Variants in HSD3B7 observed in about 807,000 individuals in gnomAD.
The protein encoded by HSD3B7 is hydroxy-delta-5-steroid dehydrogenase, 3 beta- and steroid delta-isomerase 7.
A neutral mutation model predicts 34.3 loss-of-function variants in HSD3B7; 35 were observed. The ratio of observed to expected loss-of-function variants is 1.02; its 90% confidence interval spans 0.78 to 1.35. The LOEUF (loss-of-function observed/expected upper bound fraction) is 1.35, where lower values mean the gene tolerates loss of function less well. Ranked by LOEUF, HSD3B7 falls within the 40% of genes most tolerant of loss-of-function variation. HSD3B7 has a pLI of 0.00. For synonymous variants in HSD3B7, 217 were observed against 220.1 expected (o/e 0.99, Z 0.13); for missense variants, 426 against 504.7 (o/e 0.84, Z 1.49).
intron 6 of HSD3B7, 99 bp from the exon 7 acceptor site, chr16:30,987,669 C>A: frequency 7.1e-7 from 1 of 1,404,916 alleles, no homozygotes; most frequent in South Asian, 1.2e-5. Context: ...TGGGCGGCAA[C>A]TACCTGGGCC....
In HSD3B7 at chr16:30,987,918, G is replaced by A. The variant is rs543835908; in HGVS notation, c.845G>A (p.Arg282Gln). 5.0e-6 allele frequency: 8 copies of A among 1,613,614 alleles called. No individual in the cohort carries two copies. Among genetic ancestry groups the A allele is most frequent in the African/African-American group, 1.3e-5 (1 of 75,050 alleles). The change falls in exon 7 of 7, where the codon CGG becomes CAG. Residue 282 changes from arginine to glutamine, a missense_variant. Arg to Gln is a conservative substitution (Grantham distance 43, BLOSUM62 1). Transcript: ENST00000297679. Reference protein sequence around the residue: ...NMEFLGPCGLRLVGARPLLPY... With the variant: ...NMEFLGPCGLQLVGARPLLPY... ...GAGTTCCTGGGCCCCTGCGGACTGCGGCTGGTGGGCGCCCGCCCATTGCTG... is the reference window on the plus strand; with the variant it reads ...GAGTTCCTGGGCCCCTGCGGACTGCAGCTGGTGGGCGCCCGCCCATTGCTG...
intron 6 of HSD3B7, chr16:30,987,324 A>T: frequency 2.3e-6 from 1 of 439,074 alleles, no homozygotes; most frequent in Non-Finnish European, 4.2e-6. Context: ...GCTCGCATCT[A>T]TAATCCCAGC....
chr16:30,985,763 G>A lies in HSD3B7; in HGVS notation c.105G>A (p.Arg35=), dbSNP rs909935673. 2 of 1,604,382 alleles carry A rather than the reference G, an allele frequency of 1.2e-6. No individual in the cohort carries two copies. The highest frequency in any genetic ancestry group is 2.7e-5 in the African/African-American group (2 of 74,836). The change falls in exon 2 of 7, where the codon CGG becomes CGA. Residue 35 remains arginine, a synonymous_variant. Coordinates refer to ENST00000297679, the MANE Select transcript of HSD3B7 (RefSeq NM_025193.4). ...VVRMLLQREP[R]LGELRVFDQH... ...GAATGCTGCTGCAGCGGGAGCCCCG[G>A]CTCGGGGAGCTGCGGGTCTTTGACC... is the stretch of plus-strand genomic sequence containing the variant.
chr16:30,985,384 C>A, intron 1 of HSD3B7, 87 bp downstream of exon 1: 10 of 1,356,462 alleles, frequency 7.4e-6, no homozygotes, highest in Non-Finnish European at 9.5e-6. Flanking sequence ...CCACCTCCCT[C>A]AACTCCTGGC....
Position 30,987,006 on chromosome 16 carries a change from A to G in HSD3B7, c.694+4A>G, listed in dbSNP as rs754517952. On this transcript the variant is annotated splice_donor_region_variant and intron_variant, in intron 6 of 6. Coordinates refer to ENST00000297679, the MANE Select transcript of HSD3B7 (RefSeq NM_025193.4). ...GAGCATGGCCGGGTCTATGTGGGTGAGGACTGGGCTAGGCAGGGGGAGGCT... is the reference window on the plus strand; with the variant it reads ...GAGCATGGCCGGGTCTATGTGGGTGGGGACTGGGCTAGGCAGGGGGAGGCT... 6.2e-7 allele frequency: 1 copy of G among 1,607,026 alleles called. No homozygotes were observed. The highest frequency in any genetic ancestry group is 8.5e-7 in the Non-Finnish European group (1 of 1,175,316).
Position 30,986,448 on chromosome 16 carries a change from T to C in HSD3B7, c.348T>C (p.Cys116=). The change falls in exon 4 of 7, where the codon TGT becomes TGC. Residue 116 remains cysteine (C), a synonymous_variant. Transcript: ENST00000297679. ...VQGTRNVIEA[C]VQTGTRFLVY... ...GTACCCGGAACGTGATCGAGGCTTG[T>C]GTGCAGACCGGAACACGGTTCCTGG... 1.9e-6 allele frequency: 3 copies of C among 1,614,102 alleles called. No homozygotes were observed. The highest frequency in any genetic ancestry group is 2.5e-6 in the Non-Finnish European group (3 of 1,180,002).
Position 30,988,623 on chromosome 16 carries a change from G to A in HSD3B7, c.*440G>A, listed in dbSNP as rs529231958. On this transcript the variant is annotated 3_prime_UTR_variant, in exon 7 of 7. Transcript: ENST00000297679. ...TGGAACTACAAGTGTGAGCCACCGC[G>A]CCTGGCCCAAGCCCTCCACATTTTC... 12 of 172,094 alleles carry A rather than the reference G, an allele frequency of 7.0e-5. No individual in the cohort carries two copies. The South Asian group carries it at 1.7e-3, about 24-fold the overall frequency. The allele number at this position is 172,094 out of a possible 1,614,324, so 10.7% of individuals were successfully genotyped here. A position where few individuals can be genotyped will look rare whatever the true frequency, so the allele number is the denominator to read the frequency against.
chr16:30,987,069 G>A, intron 6 of HSD3B7, 67 bp downstream of exon 6: 1 of 1,516,976 alleles, frequency 6.6e-7, no homozygotes, highest in Admixed American at 1.8e-5. Context: ...GAAGGGGGCA[G>A]GACCCACATG....
rs1274788824 is a variant in HSD3B7, at chr16:30,985,649, C to T, written c.-6-4C>T. ...CCCTGGATGAGCCAAGGTCTCTTCC[C>T]CAGCCAGGCATGGCCGACTCTGCAC... On this transcript the variant is annotated splice_region_variant and splice_polypyrimidine_tract_variant and intron_variant, in intron 1 of 6. Coordinates refer to ENST00000297679, the MANE Select transcript of HSD3B7 (RefSeq NM_025193.4). The T allele has an allele frequency of 3.1e-6, 5 of 1,599,496 alleles. No individual in the cohort carries two copies. The African/African-American group carries it at 4.0e-5, about 13-fold the overall frequency.
In HSD3B7 at chr16:30,986,185, C is replaced by G. The variant is rs1350937521; in HGVS notation, c.303C>G (p.Ile101Met). ...DVFGRASPKT[I>M]HEVNVQGTRN... ...TTGGCAGGGCCAGTCCCAAGACCATCCATGAGGTCAACGTGCAGGGTGAGG... is the reference window on the plus strand; with the variant it reads ...TTGGCAGGGCCAGTCCCAAGACCATGCATGAGGTCAACGTGCAGGGTGAGG... The change falls in exon 3 of 7, where the codon ATC becomes ATG. Residue 101 changes from isoleucine to methionine, a missense_variant. Coordinates refer to ENST00000297679, the MANE Select transcript of HSD3B7 (RefSeq NM_025193.4). 2 of 1,614,038 alleles carry G rather than the reference C, an allele frequency of 1.2e-6. No individual in the cohort carries two copies. The highest frequency in any genetic ancestry group is 1.7e-5 in the Admixed American group (1 of 60,018).
intron 3 of HSD3B7, 59 bp downstream of exon 3, chr16:30,986,263 G>T: frequency 6.3e-7 from 1 of 1,593,628 alleles, no homozygotes. Flanking sequence ...TCTGTCTTTG[G>T]CCTTGACCTC....
chr16:30,987,503 C>G, intron 6 of HSD3B7: 1 of 569,198 alleles, frequency 1.8e-6, no homozygotes, highest in Non-Finnish European at 3.2e-6. Flanking sequence ...ACCTGCCACT[C>G]CATCCTGCAG....
chr16:30,987,190 G>A, intron 6 of HSD3B7, 188 bp downstream of exon 6: 1 of 640,828 alleles, frequency 1.6e-6, no homozygotes, highest in Non-Finnish European at 2.7e-6. Flanking sequence ...ATCCATGCAA[G>A]TTGGGACATT....
In HSD3B7 at chr16:30,987,733, CAG is replaced by C. The variant is rs766146444; in HGVS notation, c.695-34_695-33del. Reference sequence around the variant, plus strand: ...CTCGATGTGGTGTTGCAAGGGCACTCAGGGGTGTGTCCGCCTCTCTTCCGCCA... The same window carrying C: ...CTCGATGTGGTGTTGCAAGGGCACTCGGGTGTGTCCGCCTCTCTTCCGCCA... On this transcript the variant is annotated intron_variant, in intron 6 of 6. Coordinates refer to ENST00000297679, the MANE Select transcript of HSD3B7 (RefSeq NM_025193.4). The C allele has an allele frequency of 4.1e-4, 656 of 1,605,174 alleles. 3 individuals are homozygous for C. The highest frequency in any genetic ancestry group is 2.3e-3 in the Middle Eastern group (14 of 5,968).
Position 30,986,888 on chromosome 16 carries a change from A to G in HSD3B7, c.580A>G (p.Ile194Val), listed in dbSNP as rs759994707. 3.1e-6 allele frequency: 5 copies of G among 1,613,824 alleles called. No homozygotes were observed. In the African/African-American group the frequency reaches 5.3e-5, roughly 17 times the overall value. Residue 194 changes from isoleucine to valine, a missense_variant, in exon 6 of 7, where the codon ATC becomes GTC. Coordinates refer to ENST00000297679, the MANE Select transcript of HSD3B7 (RefSeq NM_025193.4). ...LVTCALRPTGIYGEGHQIMRD... is the reference protein window; with the variant it reads ...LVTCALRPTGVYGEGHQIMRD... ...GACGTGTGCCCTTCGTCCCACGGGC[A>G]TCTACGGTGAAGGCCACCAGATCAT...
intron 2 of HSD3B7, 103 bp downstream of exon 2, chr16:30,985,927 C>T (rs2056466458): frequency 1.3e-6 from 2 of 1,581,006 alleles, no homozygotes; most frequent in African/African-American, 1.3e-5. Context: ...ATGCTGGTTT[C>T]TGTCCACATG....
rs2056528936 is a variant in HSD3B7 at position 30,989,044 on chromosome 16, C to T, written c.*861C>T. On this transcript the variant is annotated 3_prime_UTR_variant, in exon 7 of 7. Coordinates refer to ENST00000297679, the MANE Select transcript of HSD3B7 (RefSeq NM_025193.4). ...ATGGCCTCCCTATGCTTTCACTTCCCACCTCTCTACCTAAGTTCCTTCCCA... is the reference window on the plus strand; with the variant it reads ...ATGGCCTCCCTATGCTTTCACTTCCTACCTCTCTACCTAAGTTCCTTCCCA... The T allele has an allele frequency of 6.6e-6, 1 of 152,274 alleles. No individual in the cohort carries two copies. Among genetic ancestry groups the T allele is most frequent in the African/African-American group, 2.4e-5 (1 of 41,444 alleles). 9.4% of individuals were successfully genotyped at this position (152,274 alleles called of 1,614,324 possible).
rs774018498 is a variant in HSD3B7 at position 30,986,627 on chromosome 16, G to A, written c.454G>A (p.Glu152Lys). ...CAGGGGCAACGAAGACACCCCATAC[G>A]AAGCAGTGCACAGGCACCCCTATCC... is the stretch of plus-strand genomic sequence containing the variant. ...FYRGNEDTPY[E>K]AVHRHPYPCS... is the part of the protein sequence containing the mutation. The change falls in exon 5 of 7, where the codon GAA becomes AAA. Residue 152 changes from glutamate to lysine, a missense_variant. Coordinates refer to ENST00000297679, the MANE Select transcript of HSD3B7 (RefSeq NM_025193.4). The A allele has an allele frequency of 1.5e-5, 24 of 1,614,070 alleles. No individual in the cohort carries two copies. The highest frequency in any genetic ancestry group is 1.3e-5 in the African/African-American group (1 of 74,928).
chr16:30,986,523 C>T lies in HSD3B7; in HGVS notation c.423C>T (p.Pro141=), dbSNP rs199732996. The change falls in exon 4 of 7, where the codon CCC becomes CCT. Residue 141 remains proline, a synonymous_variant. Transcript: ENST00000297679. ...EVVGPNTKGH[P]FYRGNEDTPY... is the part of the protein sequence containing the mutation. ...TGGGGCCTAACACCAAAGGTCACCC[C>T]TTCTACAGGTGAGTGGCAGGCCCTC... 6.2e-7 allele frequency: 1 copy of T among 1,613,682 alleles called. No homozygotes were observed. Among genetic ancestry groups the T allele is most frequent in the South Asian group, 1.1e-5 (1 of 91,080 alleles).
Sources: gnomAD v4.1 joint callset for allele counts on GRCh38, gnomAD v4.1.1 for gene constraint, MANE v1.5 for transcripts, NCBI Gene and HGNC (gene_info 2026-07-23, HGNC 2026-07-21) for gene names.